The following ACP3 variants were observed in gnomAD, a reference collection of about 807,000 sequenced individuals.
ACP3 encodes the protein prostatic acid phosphatase.
In ACP3, 38 loss-of-function variants were observed where a neutral mutation model predicts 45.6. The observed-to-expected ratio is 0.83, with a 90% confidence interval of 0.64 to 1.09. ACP3 has a LOEUF of 1.09. Among genes scored for constraint, ACP3 ranks in the 50% least tolerant of loss-of-function variants. The probability of loss-of-function intolerance (pLI) is 0.00; values close to 1 mark genes in which losing one functional copy is unlikely to be tolerated. For synonymous variants in ACP3, 162 were observed against 164.7 expected, an observed-to-expected ratio of 0.98 and a Z score of 0.13; for missense variants, 466 against 463.2, an observed-to-expected ratio of 1.01 and a Z score of -0.05.
At position 132,345,045 on chromosome 3, in the gene ACP3, C is replaced by T. The variant is rs753216319; in HGVS notation, c.767C>T (p.Ser256Phe). The T allele has an allele frequency of 5.6e-6, 9 of 1,613,138 alleles. No individual in the cohort carries two copies. The South Asian group carries it at 9.9e-5, about 18-fold the overall frequency. Reference protein sequence around the residue: ...LYGIHKQKEKSRLQGGVLVNE... With the variant: ...LYGIHKQKEKFRLQGGVLVNE... ...GGAATTCACAAGCAGAAAGAGAAAT[C>T]TAGGCTCCAAGGGGGTAAGTATTAA... Residue 256 changes from serine to phenylalanine, a missense_variant, in exon 7 of 10, where the codon TCT (serine) becomes TTT (phenylalanine). Coordinates refer to ENST00000336375, the MANE Select transcript of ACP3 (RefSeq NM_001099.5).
In ACP3 at chr3:132,332,323, A is replaced by G. The variant is rs374784580; in HGVS notation, c.435A>G (p.Thr145=). The G allele has an allele frequency of 6.2e-7, 1 of 1,614,006 alleles. No homozygotes were observed. Among genetic ancestry groups the G allele is most frequent in the Non-Finnish European group, 8.5e-7 (1 of 1,180,000 alleles). Residue 145 remains threonine (T), a synonymous_variant, in exon 4 of 10, where the codon ACA becomes ACG. Transcript: ENST00000336375. The part of the protein sequence containing the change: ...ILLWQPIPVH[T]VPLSEDQLLY... The stretch of plus-strand genomic sequence containing the variant: ...TCTGGCAGCCCATCCCGGTGCACAC[A>G]GTTCCTCTTTCTGAAGATCAGGTCA...
intron 10 of ACP3, among the ~76,000 whole-genome samples, chr3:132,366,453 G>GT (rs1938134080): frequency 6.6e-6 from 1 of 152,158 alleles, no homozygotes; most frequent in Non-Finnish European, 1.5e-5. Context: ...ATATTTTTCA[G>GT]TAAGACCAAT....
chr3:132,343,503 G>A (rs756010303), intron 6 of ACP3, among the ~76,000 whole-genome samples: 1 of 152,132 alleles, frequency 6.6e-6, no homozygotes, highest in Non-Finnish European at 1.5e-5. Context: ...GTGAAAACAA[G>A]AGCCCCCATT....
intron 2 of ACP3, among the ~76,000 whole-genome samples, chr3:132,328,817 T>C (rs1937350575): frequency 6.6e-6 from 1 of 152,140 alleles, no homozygotes; most frequent in Non-Finnish European, 1.5e-5. Flanking sequence ...CTATATGAGC[T>C]TAGAAATGCT....
intron 10 of ACP3, chr3:132,367,677 A>G: frequency 6.6e-7 from 1 of 1,522,772 alleles, no homozygotes; most frequent in Non-Finnish European, 9.1e-7. Context: ...TTAATTTTAC[A>G]TTAATACTTT....
intron 7 of ACP3, among the ~76,000 whole-genome samples, chr3:132,346,654 C>T (rs1937612053): frequency 6.6e-6 from 1 of 152,136 alleles, no homozygotes; most frequent in South Asian, 2.1e-4. Context: ...GTAGAGGGTG[C>T]CTTGGAAGCC....
chr3:132,357,062 C>T lies in ACP3; in HGVS notation c.*184C>T. On this transcript the variant is annotated 3_prime_UTR_variant, in exon 10 of 10. Transcript: ENST00000336375. Reference sequence around the variant, plus strand: ...CTTCACCTGACCCTGCCCCCACTTGCCATAAAACTTAGCTAAGTTTTGTTT... The same window carrying T: ...CTTCACCTGACCCTGCCCCCACTTGTCATAAAACTTAGCTAAGTTTTGTTT... The T allele has an allele frequency of 7.5e-7, 1 of 1,340,594 alleles. No homozygotes were observed. Among genetic ancestry groups the T allele is most frequent in the Non-Finnish European group, 9.5e-7 (1 of 1,048,208 alleles). The allele number at this position is 1,340,594 out of a possible 1,614,324, so 83.0% of individuals were successfully genotyped here.
intron 10 of ACP3, among the ~76,000 whole-genome samples, chr3:132,365,401 C>T (rs187089799): frequency 6.6e-6 from 1 of 152,246 alleles, no homozygotes; most frequent in Non-Finnish European, 1.5e-5. Flanking sequence ...TGTGGGAGAG[C>T]ATTCAGGCCA....
downstream of ACP3, among the ~76,000 whole-genome samples, chr3:132,361,944 A>T (rs2107823202): frequency 6.6e-6 from 1 of 152,216 alleles, no homozygotes; most frequent in African/African-American, 2.4e-5. Context: ...TCCTTCCCTT[A>T]TACTACGAAA....
At chr3:132,366,948 C>T (rs917591825) in intron 10 of ACP3, among the ~76,000 whole-genome samples, 1 of 152,098 alleles carries the variant, frequency 6.6e-6, no homozygotes, top group African/African-American at 2.4e-5. Context: ...GTAGAAAGAG[C>T]TGATGGGATC....
chr3:132,355,934 A>T (rs1937884068), intron 9 of ACP3, among the ~76,000 whole-genome samples: 1 of 152,200 alleles, frequency 6.6e-6, no homozygotes, highest in Non-Finnish European at 1.5e-5. Flanking sequence ...ACACCAAAAG[A>T]AGGATCTCTA....
chr3:132,336,453 T>C (rs1456901949), intron 4 of ACP3, among the ~76,000 whole-genome samples: 2 of 152,144 alleles, frequency 1.3e-5, no homozygotes, highest in African/African-American at 4.8e-5. Context: ...TAGAAGGGGA[T>C]ATGTTTTGAA....
intron 4 of ACP3, among the ~76,000 whole-genome samples, chr3:132,333,873 C>T (rs1457273081): frequency 6.6e-6 from 1 of 152,124 alleles, no homozygotes; most frequent in African/African-American, 2.4e-5. Context: ...GAGTTCGAGA[C>T]CAGCCTGGCT....
chr3:132,334,026 G>T (rs922146981), intron 4 of ACP3, among the ~76,000 whole-genome samples: 1 of 152,106 alleles, frequency 6.6e-6, no homozygotes, highest in Non-Finnish European at 1.5e-5. Context: ...AGCCAAGATC[G>T]CACCGTTGCA....
At position 132,356,860 on chromosome 3, in the gene ACP3, T is replaced by C; in HGVS notation, c.1143T>C (p.Thr381=). Residue 381 remains threonine, a synonymous_variant, in exon 10 of 10, where the codon ACT becomes ACC. Coordinates refer to ENST00000336375, the MANE Select transcript of ACP3 (RefSeq NM_001099.5). Reference sequence around the variant, plus strand: ...TGACCACAAACAGCCATCAAGGTACTGAAGACAGTACAGATTAGTGTGCAC... The same window carrying C: ...TGACCACAAACAGCCATCAAGGTACCGAAGACAGTACAGATTAGTGTGCAC... ...ECMTTNSHQG[T]EDSTD is the part of the protein sequence containing the mutation. 1 of 1,614,132 alleles carries C rather than the reference T, an allele frequency of 6.2e-7. No individual in the cohort carries two copies. The highest frequency in any genetic ancestry group is 8.5e-7 in the Non-Finnish European group (1 of 1,180,006).
chr3:132,367,946 C>A, exon 11 of ACP3: 3 of 757,008 alleles, frequency 4.0e-6, no homozygotes, highest in East Asian at 2.5e-5. Context: ...TTTGAATCTG[C>A]CCAGAGCAGG....
chr3:132,358,171 C>T lies in ACP3; in HGVS notation c.*1293C>T, dbSNP rs755055574. ...TTGGAAGGCTGAGGCAGGAGGATCA[C>T]TTTAGGCCTGGTGTGTTCAAGACCA... On this transcript the variant is annotated 3_prime_UTR_variant, in exon 10 of 10. Transcript: ENST00000336375. 4.7e-6 allele frequency: 4 copies of T among 843,866 alleles called. No individual in the cohort carries two copies. The highest frequency in any genetic ancestry group is 5.8e-6 in the Non-Finnish European group (4 of 693,482). 52.3% of individuals were successfully genotyped at this position (843,866 alleles called of 1,614,324 possible). A position where few individuals can be genotyped will look rare whatever the true frequency, so the allele number is the denominator to read the frequency against.
chr3:132,349,920 G>T lies in ACP3; in HGVS notation c.782G>T (p.Gly261Val), dbSNP rs763493265. Reference protein sequence around the residue: ...KQKEKSRLQGGVLVNEILNHM... With the variant: ...KQKEKSRLQGVVLVNEILNHM... ...TGGTTATTGATTCATCTTCTTTAAG[G>T]TGTCCTGGTCAATGAAATCCTCAAT... The change falls in exon 8 of 10, where the codon GGT becomes GTT. Residue 261 changes from glycine (G) to valine (V), a missense_variant and splice_region_variant. Coordinates refer to ENST00000336375, the MANE Select transcript of ACP3 (RefSeq NM_001099.5). The T allele has an allele frequency of 1.2e-6, 2 of 1,608,590 alleles. No individual in the cohort carries two copies. Among genetic ancestry groups the T allele is most frequent in the Non-Finnish European group, 1.7e-6 (2 of 1,175,292 alleles).
intron 1 of ACP3, among the ~76,000 whole-genome samples, chr3:132,319,076 T>C (rs149287391): frequency 6.6e-6 from 1 of 152,318 alleles, no homozygotes; most frequent in East Asian, 1.9e-4. Context: ...ACTAAAAAAA[T>C]TAACAAATAT....
Sources: allele counts gnomAD v4.1 joint callset (sites outside exome capture counted in the v4.1 genomes callset), GRCh38; gene constraint gnomAD v4.1.1; transcripts MANE v1.5; gene names NCBI Gene and HGNC (gene_info 2026-07-23, HGNC 2026-07-21).